The following LRRC8E variants were observed in gnomAD, a reference collection of about 807,000 sequenced individuals.
The protein encoded by LRRC8E is volume-regulated anion channel subunit LRRC8E.
Under a neutral mutation model 6.1 loss-of-function variants are expected in LRRC8E, and 6 were observed. The observed-to-expected ratio is 0.98, with a 90% confidence interval of 0.54 to 1.93. LRRC8E has a LOEUF of 1.93. Ranked by LOEUF, LRRC8E falls within the 30% of genes most tolerant of loss-of-function variation. The pLI is 0.01. For synonymous variants in LRRC8E, 485 were observed against 472.8 expected (o/e 1.03, Z -0.33); for missense variants, 1,028 against 1,031.4 (o/e 1.00, Z 0.04).
intron 1 of LRRC8E, among the ~76,000 whole-genome samples, chr19:7,890,529 C>A (rs1311855891): frequency 6.6e-6 from 1 of 152,008 alleles, no homozygotes; most frequent in Non-Finnish European, 1.5e-5. Flanking sequence ...GTGGCGCACG[C>A]CTGTAATCCC....
rs774699687 is a variant in LRRC8E at position 7,898,725 on chromosome 19, C to T, written c.203C>T (p.Pro68Leu). The change falls in exon 3 of 3, where the codon CCG becomes CTG. Residue 68 changes from proline (P) to leucine (L), a missense_variant. Coordinates refer to ENST00000306708, the MANE Select transcript of LRRC8E (RefSeq NM_025061.6). ...CTCCAGGAGAACTTATCAGAGGCCC[C>T]GTGCCAGCAATTGCTGCCTCGGGGG... ...HELQENLSEA[P>L]CQQLLPRGIP... 2.3e-5 allele frequency: 37 copies of T among 1,613,812 alleles called. No individual in the cohort carries two copies. The highest frequency in any genetic ancestry group is 6.7e-5 in the African/African-American group (5 of 74,926).
At chr19:7,896,744 C>T (rs931291991) in intron 2 of LRRC8E, among the ~76,000 whole-genome samples, 1 of 152,034 alleles carries the variant, frequency 6.6e-6, no homozygotes, top group African/African-American at 2.4e-5. Flanking sequence ...CAGGCACACA[C>T]CACCACGTCC....
Position 7,899,632 on chromosome 19 carries a change from C to T in LRRC8E, c.1110C>T (p.Ile370=), listed in dbSNP as rs756540688. 6.2e-7 allele frequency: 1 copy of T among 1,613,676 alleles called. No homozygotes were observed. The highest frequency in any genetic ancestry group is 2.2e-5 in the East Asian group (1 of 44,904). Residue 370 remains isoleucine, a synonymous_variant, in exon 3 of 3, where the codon ATC becomes ATT. Transcript: ENST00000306708. ...KNDFAFMLHL[I]DQYDSLYSKR... is the part of the protein sequence containing the mutation. ...ACTTCGCCTTCATGCTGCACCTCAT[C>T]GATCAGTACGACTCCCTCTACTCCA... is the stretch of plus-strand genomic sequence containing the variant.
intron 2 of LRRC8E, among the ~76,000 whole-genome samples, chr19:7,897,162 T>C (rs1428151899): frequency 2.3e-5 from 3 of 127,692 alleles, no homozygotes; most frequent in African/African-American, 6.0e-5. Flanking sequence ...CTCCCAGTAT[T>C]TTTCTTTTTC....
In LRRC8E at chr19:7,901,408, T is replaced by A. The variant is rs1294967162; in HGVS notation, c.*495T>A. The A allele has an allele frequency of 6.6e-6, 1 of 152,600 alleles. No homozygotes were observed. Among genetic ancestry groups the A allele is most frequent in the Non-Finnish European group, 1.5e-5 (1 of 68,370 alleles). 9.5% of individuals were successfully genotyped at this position (152,600 alleles called of 1,614,324 possible). On this transcript the variant is annotated 3_prime_UTR_variant, in exon 3 of 3. Transcript: ENST00000306708. ...GTTAGCTCCGAACAATGGTTCTCAT[T>A]TGGCTAAGCATCAAAATCACCTAGG...
At chr19:7,891,346 T>C (rs1286534173) in intron 1 of LRRC8E, among the ~76,000 whole-genome samples, 1 of 152,112 alleles carries the variant, frequency 6.6e-6, no homozygotes, top group East Asian at 1.9e-4. Context: ...TCTGTGGAAA[T>C]TTAATGGCAG....
At chr19:7,896,846 C>T (rs776524604) in intron 2 of LRRC8E, among the ~76,000 whole-genome samples, 50 of 152,190 alleles carry the variant, frequency 3.3e-4, no homozygotes, top group Non-Finnish European at 4.1e-4. Context: ...CCTCCCACCT[C>T]GGCCTCCCAA....
chr19:7,894,134 G>A (rs1375629601), intron 1 of LRRC8E, among the ~76,000 whole-genome samples: 1 of 152,154 alleles, frequency 6.6e-6, no homozygotes, highest in Non-Finnish European at 1.5e-5. Context: ...GATTCTTCCT[G>A]GGGAGATGGA....
In LRRC8E at chr19:7,895,031, A is replaced by G. The variant is rs794455; in HGVS notation, c.-5-568A>G. 83,632 of 152,684 alleles carry G rather than the reference A, an allele frequency of 0.55. 23,050 individuals are homozygous for G. The highest frequency in any genetic ancestry group is 0.61 in the Admixed American group (9,433 of 15,396). The allele number at this position is 152,684 out of a possible 1,614,324, so 9.5% of individuals were successfully genotyped here. ...TGGCAGTCCCTGCCCCTGGGGCCCTAGTAACCAGAGCCAGGCTCCAGCCGG... is the reference window on the plus strand; with the variant it reads ...TGGCAGTCCCTGCCCCTGGGGCCCTGGTAACCAGAGCCAGGCTCCAGCCGG... On this transcript the variant is annotated intron_variant, in intron 1 of 2. Transcript: ENST00000306708. The surrounding 1 kb of genome is among the most constrained non-coding windows in gnomAD (Gnocchi z 4.7).
In LRRC8E at chr19:7,900,569, G is replaced by A. The variant is rs754235614; in HGVS notation, c.2047G>A (p.Val683Met). The A allele has an allele frequency of 6.2e-7, 1 of 1,613,196 alleles. No individual in the cohort carries two copies. Residue 683 changes from valine to methionine, a missense_variant, in exon 3 of 3, where the codon GTG (valine) becomes ATG (methionine). Coordinates refer to ENST00000306708, the MANE Select transcript of LRRC8E (RefSeq NM_025061.6). The surrounding 1 kb of genome is among the most constrained non-coding windows in gnomAD (Gnocchi z 5.0). The stretch of plus-strand genomic sequence containing the variant: ...GTGCTCAGGCCTCCGTCTGCTGGAT[G>A]TGTCCCACAATGGGCTACACTCCCT... ...GLCSGLRLLD[V>M]SHNGLHSLPP...
At position 7,900,766 on chromosome 19, in the gene LRRC8E, C is replaced by T. The variant is rs1231692232; in HGVS notation, c.2244C>T (p.Ser748=). The T allele has an allele frequency of 6.2e-6, 10 of 1,610,268 alleles. No individual in the cohort carries two copies. The highest frequency in any genetic ancestry group is 8.5e-6 in the Non-Finnish European group (10 of 1,178,154). The stretch of plus-strand genomic sequence containing the variant: ...ACGTGGGTGCCCTCAGAGCCCTCAG[C>T]CGCCTGGAGCTCAAAGGCAACCGCT... The part of the protein sequence containing the change: ...SPHVGALRAL[S]RLELKGNRLE... Residue 748 remains serine (S), a synonymous_variant, in exon 3 of 3, where the codon AGC becomes AGT. Coordinates refer to ENST00000306708, the MANE Select transcript of LRRC8E (RefSeq NM_025061.6). The surrounding 1 kb of genome is among the most constrained non-coding windows in gnomAD (Gnocchi z 5.0).
chr19:7,893,985 G>C (rs956313734), intron 1 of LRRC8E: 2 of 152,204 alleles, frequency 1.3e-5, no homozygotes, highest in Non-Finnish European at 2.9e-5. Flanking sequence ...CCTTTAGCTT[G>C]GTGGGTGGAG....
chr19:7,894,612 A>T (rs1981480877), intron 1 of LRRC8E, among the ~76,000 whole-genome samples: 1 of 152,198 alleles, frequency 6.6e-6, no homozygotes, highest in African/African-American at 2.4e-5. Flanking sequence ...GGCTGGTCTA[A>T]GGTTCCCCAC....
At chr19:7,897,744 G>A (rs1981678080) in intron 2 of LRRC8E, among the ~76,000 whole-genome samples, 1 of 151,850 alleles carries the variant, frequency 6.6e-6, no homozygotes, top group South Asian at 2.1e-4. Context: ...CTAAGGCGCA[G>A]TCATACTGGG....
chr19:7,888,893 C>T (rs1461042554), intron 1 of LRRC8E, among the ~76,000 whole-genome samples: 1 of 152,204 alleles, frequency 6.6e-6, no homozygotes, highest in Admixed American at 6.5e-5. Context: ...CCACTTTCCC[C>T]TCCCCTTGGC....
Position 7,898,869 on chromosome 19 carries a change from A to G in LRRC8E, c.347A>G (p.Lys116Arg). 6.2e-7 allele frequency: 1 copy of G among 1,614,248 alleles called. No individual in the cohort carries two copies. Among genetic ancestry groups the G allele is most frequent in the Non-Finnish European group, 8.5e-7 (1 of 1,180,046 alleles). The change falls in exon 3 of 3, where the codon AAG (lysine) becomes AGG (arginine). Residue 116 changes from lysine to arginine, a missense_variant. By Grantham distance (26) the Lys-to-Arg change is conservative. Coordinates refer to ENST00000306708, the MANE Select transcript of LRRC8E (RefSeq NM_025061.6). ...CYETALHWYA[K>R]YFPYLVVIHT... ...GAGACGGCCCTGCACTGGTATGCCA[A>G]GTACTTCCCTTACCTCGTGGTCATT... is the stretch of plus-strand genomic sequence containing the variant.
chr19:7,894,575 G>C (rs56084284), intron 1 of LRRC8E, among the ~76,000 whole-genome samples: 2 of 152,144 alleles, frequency 1.3e-5, no homozygotes, highest in Admixed American at 6.5e-5. Context: ...TCCCAGGAGT[G>C]GGGGAACTTG....
chr19:7,890,957 A>G (rs1052228705), intron 1 of LRRC8E, among the ~76,000 whole-genome samples: 101 of 152,240 alleles, frequency 6.6e-4, no homozygotes, highest in African/African-American at 2.4e-3. Context: ...TTGGCCTCCC[A>G]AAGTGTTGGG....
intron 1 of LRRC8E, among the ~76,000 whole-genome samples, chr19:7,889,144 C>G (rs1291143588): frequency 1.3e-5 from 2 of 152,134 alleles, no homozygotes; most frequent in Admixed American, 6.5e-5. Context: ...CCCTCAGTTT[C>G]TCCCTTGCAT....
Sources: gnomAD v4.1 joint callset for allele counts (sites outside exome capture counted in the v4.1 genomes callset) on GRCh38, gnomAD v4.1.1 for gene constraint, Gnocchi (gnomAD v3.1) non-coding constraint, MANE v1.5 for transcripts, NCBI Gene and HGNC (gene_info 2026-07-23, HGNC 2026-07-21) for gene names.